Variants in JPH2 observed in about 807,000 individuals in gnomAD.
JPH2 encodes the protein junctophilin-2.
JPH2 carries 38 observed loss-of-function variants against 55.9 expected under a neutral mutation model. That is an observed-to-expected ratio of 0.68 (90% CI 0.52 to 0.89). The LOEUF (loss-of-function observed/expected upper bound fraction) is 0.89, where lower values mean the gene tolerates loss of function less well. JPH2 is among the 40% of genes least tolerant of loss of function. JPH2 has a pLI of 0.00. For synonymous variants in JPH2, 480 were observed against 472.4 expected (o/e 1.02, Z -0.21); for missense variants, 964 against 1,037.6 (o/e 0.93, Z 0.97).
intron 2 of JPH2, among the ~76,000 whole-genome samples, chr20:44,134,532 AT>A (rs1291852283): frequency 1.2e-4 from 2 of 16,606 alleles, no homozygotes; most frequent in African/African-American, 2.2e-4. Flanking sequence ...ATAAATATAT[AT>A]AAATAAATAT....
chr20:44,160,573 C>A lies in JPH2; in HGVS notation c.380-166G>T, dbSNP rs759872388. On this transcript the variant is annotated intron_variant, in intron 1 of 5. Coordinates refer to ENST00000372980, the MANE Select transcript of JPH2 (RefSeq NM_020433.5). The surrounding 1 kb of genome is among the most constrained non-coding windows in gnomAD (Gnocchi z 4.9). The stretch of plus-strand genomic sequence containing the variant: ...AGTGCTATGAGTGTTTGAGTCTACT[C>A]GAGTGTGCAATAACACGAGTGGGTG... 5.9e-5 allele frequency among the ~76,000 whole-genome samples: 9 copies of A among 152,152 alleles called. No individual in the cohort carries two copies. Among genetic ancestry groups the A allele is most frequent in the Non-Finnish European group, 1.2e-4 (8 of 68,038 alleles).
At chr20:44,162,745 C>T (rs768002816) in intron 1 of JPH2, among the ~76,000 whole-genome samples, 33 of 52,470 alleles carry the variant, frequency 6.3e-4, no homozygotes, top group Middle Eastern at 0.017. Flanking sequence ...AATAAACTTC[C>T]ATATATATAT....
At position 44,160,927 on chromosome 20, in the gene JPH2, T is replaced by C. The variant is rs1453424745; in HGVS notation, c.380-520A>G. Among the ~76,000 whole-genome samples, 1 of 151,984 alleles carries C rather than the reference T, an allele frequency of 6.6e-6. No homozygotes were observed. Among genetic ancestry groups the C allele is most frequent in the Non-Finnish European group, 1.5e-5 (1 of 67,984 alleles). ...GGTGAAACCTCTCTCTACAAAAAAA[T>C]TAGTCAGGCGTGGTGGCATGCACCT... is the stretch of plus-strand genomic sequence containing the variant. On this transcript the variant is annotated intron_variant, in intron 1 of 5. Coordinates refer to ENST00000372980, the MANE Select transcript of JPH2 (RefSeq NM_020433.5). This position sits in a 1 kb window ranked among gnomAD's most constrained non-coding sequence, Gnocchi z 4.9.
At chr20:44,150,461 C>G (rs751215328) in intron 2 of JPH2, among the ~76,000 whole-genome samples, 8 of 152,172 alleles carry the variant, frequency 5.3e-5, no homozygotes, top group Non-Finnish European at 8.8e-5. Flanking sequence ...CAATATTCCC[C>G]CAGTTGACCT....
rs1472030349 is a variant in JPH2, at chr20:44,186,738, C to T, written c.-33G>A. On this transcript the variant is annotated 5_prime_UTR_variant, in exon 1 of 6. Transcript: ENST00000372980. ...TAGCCCCTGACAACCTCCCCGTCCT[C>T]CAGCGTGGGTGCAGAGGGCGTGGGT... 6.3e-7 allele frequency: 1 copy of T among 1,595,444 alleles called. No homozygotes were observed. The highest frequency in any genetic ancestry group is 1.7e-5 in the Admixed American group (1 of 60,014).
intron 2 of JPH2, among the ~76,000 whole-genome samples, chr20:44,143,465 T>G (rs1003152614): frequency 6.6e-6 from 1 of 152,200 alleles, no homozygotes; most frequent in Non-Finnish European, 1.5e-5. Context: ...CCTCTGCCGC[T>G]TGGGAAACTC....
intron 2 of JPH2, among the ~76,000 whole-genome samples, chr20:44,125,816 A>G (rs767104544): frequency 6.6e-6 from 1 of 152,206 alleles, no homozygotes; most frequent in South Asian, 2.1e-4. Context: ...GGGAATAATA[A>G]GGGCACGCGT....
intron 2 of JPH2, among the ~76,000 whole-genome samples, chr20:44,142,688 CT>C (rs1175456233): frequency 6.6e-6 from 1 of 152,232 alleles, no homozygotes; most frequent in Non-Finnish European, 1.5e-5. Flanking sequence ...ATCTGTTGTG[CT>C]GTCTGTCTCC....
chr20:44,149,966 A>G (rs976350003), intron 2 of JPH2, among the ~76,000 whole-genome samples: 180 of 53,492 alleles, frequency 3.4e-3, no homozygotes, highest in African/African-American at 0.021. Flanking sequence ...GACAGAGGAA[A>G]AAAAAAAAAA....
chr20:44,134,877 T>TAAA (rs2072395296), intron 2 of JPH2, among the ~76,000 whole-genome samples: 1 of 10,030 alleles, frequency 1.0e-4, no homozygotes, highest in African/African-American at 3.8e-4. Context: ...TATATATATT[T>TAAA]ATATATATAT....
Position 44,112,125 on chromosome 20 carries a change from CAG to C in JPH2, c.*1391_*1392del, listed in dbSNP as rs1279821767. 5.9e-5 allele frequency: 9 copies of C among 152,360 alleles called. No individual in the cohort carries two copies. 9.4% of individuals were successfully genotyped at this position (152,360 alleles called of 1,614,324 possible). ...AGGGAAATGGGAAAGCTGACCCTAT[CAG>C]AAGCAAACTCCTAGGTCCCAGAGCT... On this transcript the variant is annotated 3_prime_UTR_variant, in exon 6 of 6. Transcript: ENST00000372980.
chr20:44,116,105 C>G lies in JPH2; in HGVS notation c.1570G>C (p.Val524Leu). The change falls in exon 4 of 6, where the codon GTC becomes CTC. Residue 524 changes from valine (V) to leucine (L), a missense_variant. Coordinates refer to ENST00000372980, the MANE Select transcript of JPH2 (RefSeq NM_020433.5). ...CGGCCCGCGCCCTCGGACGGAGTGA[C>G]TGACCGGCTGCCCTCACCGCTGGGC... ...GEPSGEGSRS[V>L]TPSEGAGRRS... The G allele has an allele frequency of 6.7e-7, 1 of 1,488,424 alleles. No homozygotes were observed. Among genetic ancestry groups the G allele is most frequent in the Non-Finnish European group, 8.8e-7 (1 of 1,130,902 alleles). 92.2% of individuals were successfully genotyped at this position (1,488,424 alleles called of 1,614,324 possible).
Position 44,127,516 on chromosome 20 carries a change from C to T in JPH2, c.1170-8893G>A, listed in dbSNP as rs184198120. On this transcript the variant is annotated intron_variant, in intron 2 of 5. Coordinates refer to ENST00000372980, the MANE Select transcript of JPH2 (RefSeq NM_020433.5). Reference sequence around the variant, plus strand: ...TTTTTTTTTTTTGGAAACGGAGTCTCGCTCTGTCGCCCAGGCTGGAGTGCA... The same window carrying T: ...TTTTTTTTTTTTGGAAACGGAGTCTTGCTCTGTCGCCCAGGCTGGAGTGCA... 1.4e-3 allele frequency among the ~76,000 whole-genome samples: 202 copies of T among 148,080 alleles called. 2 individuals are homozygous for T. The highest frequency in any genetic ancestry group is 4.6e-3 in the African/African-American group (187 of 40,470).
In JPH2 at chr20:44,106,938, T is replaced by C. The variant is rs1372839160; in HGVS notation, c.*6580A>G. 1.3e-5 allele frequency among the ~76,000 whole-genome samples: 2 copies of C among 152,266 alleles called. No individual in the cohort carries two copies. The highest frequency in any genetic ancestry group is 3.9e-4 in the East Asian group (2 of 5,184). On this transcript the variant is annotated 3_prime_UTR_variant, in exon 6 of 6. Transcript: ENST00000372980. ...AGGGGTATAAAAGCCCAATGGGAGATGCTCTACAAGCAATCCTTGCTCTGG... is the reference window on the plus strand; with the variant it reads ...AGGGGTATAAAAGCCCAATGGGAGACGCTCTACAAGCAATCCTTGCTCTGG...
chr20:44,119,049 T>C (rs1111021), intron 2 of JPH2, among the ~76,000 whole-genome samples: 112,725 of 152,182 alleles, frequency 0.74, 42,191 homozygotes, highest in African/African-American at 0.84. Flanking sequence ...TGGTGAAGCC[T>C]ATGGATCCCT....
chr20:44,114,474 G>A (rs1314768082), intron 5 of JPH2, among the ~76,000 whole-genome samples: 1 of 152,070 alleles, frequency 6.6e-6, no homozygotes, highest in African/African-American at 2.4e-5. Flanking sequence ...CAGCAGAGCA[G>A]TACATGTTGG....
chr20:44,134,844 T>C (rs1381171878), intron 2 of JPH2, among the ~76,000 whole-genome samples: 5 of 111,008 alleles, frequency 4.5e-5, no homozygotes, highest in African/African-American at 1.8e-4. Context: ...TAAATATATG[T>C]TTATTATAAA....
chr20:44,134,391 ATATT>A (rs1324351065), intron 2 of JPH2, among the ~76,000 whole-genome samples: 1 of 40,652 alleles, frequency 2.5e-5, no homozygotes, highest in African/African-American at 1.2e-4. Context: ...AAATAAATAT[ATATT>A]TATTATAAAT....
rs148750346 is a variant in JPH2 at position 44,154,619 on chromosome 20, G to A, written c.1169+4999C>T. On this transcript the variant is annotated intron_variant, in intron 2 of 5. Transcript: ENST00000372980. Reference sequence around the variant, plus strand: ...GGGCTGACAAATTCCACATGAGCCCGGAGGGAGGAGCTGGAAGCCACAATG... The same window carrying A: ...GGGCTGACAAATTCCACATGAGCCCAGAGGGAGGAGCTGGAAGCCACAATG... 2.1e-3 allele frequency among the ~76,000 whole-genome samples: 315 copies of A among 152,306 alleles called. 2 individuals carry two copies. The highest frequency in any genetic ancestry group is 7.1e-3 in the African/African-American group (294 of 41,578).
Sources: gnomAD v4.1 joint callset for allele counts (sites outside exome capture counted in the v4.1 genomes callset) on GRCh38, gnomAD v4.1.1 for gene constraint, Gnocchi (gnomAD v3.1) non-coding constraint, MANE v1.5 for transcripts, NCBI Gene and HGNC (gene_info 2026-07-23, HGNC 2026-07-21) for gene names.